MALRD1: variants seen among roughly 807,000 people sequenced by gnomAD.
MALRD1 encodes the protein MAM and LDL receptor class A domain containing 1, also known as MAM and LDL-receptor class A domain-containing protein 1.
MALRD1 carries 247 observed loss-of-function variants against 242.1 expected under a neutral mutation model. The observed-to-expected ratio is 1.02, with a 90% CI of 0.92 to 1.13. The LOEUF is 1.13. Among genes scored for constraint, MALRD1 ranks in the 50% most tolerant of loss-of-function variants. The pLI is 0.00. For missense variants in MALRD1, 2,989 were observed against 2,533.1 expected (o/e 1.18, Z -3.86); for synonymous variants, 995 against 866.6 (o/e 1.15, Z -2.60).
At position 19,654,988 on chromosome 10, in the gene MALRD1, A is replaced by G. The variant is rs373828228; in HGVS notation, c.6138-37294A>G. 2.2e-4 allele frequency among the ~76,000 whole-genome samples: 34 copies of G among 152,308 alleles called. 1 individual carries two copies. The highest frequency in any genetic ancestry group is 7.5e-4 in the African/African-American group (31 of 41,578). On this transcript the variant is annotated intron_variant, in intron 36 of 39. Transcript: ENST00000454679. ...TATTTCCTATTAATAATAAGTTTAAATAAATCAGAATTATATGAAACTAAA... is the reference window on the plus strand; with the variant it reads ...TATTTCCTATTAATAATAAGTTTAAGTAAATCAGAATTATATGAAACTAAA...
At chr10:19,166,519 CAGT>C (rs1168996753) in intron 13 of MALRD1, among the ~76,000 whole-genome samples, 1 of 152,058 alleles carries the variant, frequency 6.6e-6, no homozygotes, top group Non-Finnish European at 1.5e-5. Flanking sequence ...TTTGATAGCA[CAGT>C]AGGGCAATTA....
At chr10:19,567,890 T>G (rs1201968761) in intron 33 of MALRD1, among the ~76,000 whole-genome samples, 187 bp downstream of exon 33, 12 of 152,300 alleles carry the variant, frequency 7.9e-5, no homozygotes, top group Admixed American at 1.3e-4. Context: ...AATTTTCATG[T>G]CTTGTAGGCA....
chr10:19,163,220 G>A (rs969246463), intron 12 of MALRD1, among the ~76,000 whole-genome samples: 6 of 145,878 alleles, frequency 4.1e-5, no homozygotes, highest in South Asian at 2.2e-4. Context: ...TCATTGCAGC[G>A]CTATTTACAA....
chr10:19,054,319 T>C (rs970890316), intron 1 of MALRD1, among the ~76,000 whole-genome samples: 3 of 152,160 alleles, frequency 2.0e-5, no homozygotes, highest in Non-Finnish European at 4.4e-5. Context: ...AAGTATATAA[T>C]GTGGAATGAT....
At chr10:19,523,202 G>C (rs1270037088) in intron 31 of MALRD1, among the ~76,000 whole-genome samples, 2 of 152,208 alleles carry the variant, frequency 1.3e-5, no homozygotes, top group African/African-American at 4.8e-5. Flanking sequence ...ATAAGTGGTA[G>C]AGTCAGGATG....
intron 21 of MALRD1, among the ~76,000 whole-genome samples, chr10:19,316,224 T>C (rs149720364): frequency 4.0e-5 from 6 of 151,884 alleles, no homozygotes; most frequent in African/African-American, 1.2e-4. Context: ...TCCAGAGCAA[T>C]GCCATACAGT....
chr10:19,492,588 T>A (rs1198739772), intron 30 of MALRD1, among the ~76,000 whole-genome samples: 1 of 152,204 alleles, frequency 6.6e-6, no homozygotes, highest in Non-Finnish European at 1.5e-5. Context: ...GGGCTTTACA[T>A]AACATGGTAG....
chr10:19,371,092 T>A (rs140507208), intron 26 of MALRD1, among the ~76,000 whole-genome samples: 16 of 123,728 alleles, frequency 1.3e-4, no homozygotes, highest in East Asian at 2.3e-4. Flanking sequence ...TCTACGAAAT[T>A]AAAAAAAAAA....
Position 19,364,880 on chromosome 10 carries a change from A to T in MALRD1, c.4441+12583A>T, listed in dbSNP as rs189617382. On this transcript the variant is annotated intron_variant, in intron 26 of 39. Transcript: ENST00000454679. ...GAAAATGTCCTTAATTCAATTGAGG[A>T]TTCTTTCCACATAAGCCATTTCTTT... Among the ~76,000 whole-genome samples the T allele has an allele frequency of 3.5e-3, 530 of 152,222 alleles. 4 individuals carry two copies. The highest frequency in any genetic ancestry group is 0.012 in the African/African-American group (511 of 41,566).
intron 36 of MALRD1, among the ~76,000 whole-genome samples, chr10:19,616,817 C>T (rs1344144329): frequency 1.3e-5 from 2 of 151,962 alleles, no homozygotes; most frequent in African/African-American, 4.8e-5. Context: ...CATATTTAGA[C>T]ACTGCTTTAG....
intron 34 of MALRD1, among the ~76,000 whole-genome samples, chr10:19,597,197 A>C (rs957982204): frequency 6.6e-5 from 10 of 152,194 alleles, no homozygotes; most frequent in African/African-American, 1.9e-4. Context: ...AGGTGAATAG[A>C]AAAGAGAAAG....
chr10:19,134,386 G>T (rs1275513822), intron 9 of MALRD1, among the ~76,000 whole-genome samples: 1 of 152,174 alleles, frequency 6.6e-6, no homozygotes, highest in Non-Finnish European at 1.5e-5. Context: ...AGGCTCAATA[G>T]GAATGCTGTC....
At chr10:19,676,710 A>T (rs565421582) in intron 36 of MALRD1, among the ~76,000 whole-genome samples, 1 of 152,278 alleles carries the variant, frequency 6.6e-6, no homozygotes, top group East Asian at 1.9e-4. Context: ...TGTGCAGGAT[A>T]TGCAGGTTTG....
intron 21 of MALRD1, chr10:19,291,629 C>A (rs1841432692): frequency 6.6e-6 from 1 of 152,008 alleles, no homozygotes; most frequent in East Asian, 1.9e-4. Context: ...CTGTTAGGGG[C>A]TTTCAAGGCA....
chr10:19,649,639 A>G (rs1315717858), intron 36 of MALRD1, among the ~76,000 whole-genome samples: 1 of 152,146 alleles, frequency 6.6e-6, no homozygotes, highest in East Asian at 1.9e-4. Context: ...AACCTTTGTC[A>G]GATGCATAGT....
intron 26 of MALRD1, among the ~76,000 whole-genome samples, chr10:19,363,955 G>A (rs1439974198): frequency 1.3e-5 from 2 of 152,014 alleles, no homozygotes. Context: ...CAGTAAAAAA[G>A]AGACAGAGTA....
chr10:19,166,485 A>G (rs568282964), intron 13 of MALRD1, among the ~76,000 whole-genome samples: 53 of 152,142 alleles, frequency 3.5e-4, no homozygotes, highest in Non-Finnish European at 7.2e-4. Flanking sequence ...GTAGTTAGTT[A>G]GATAGAAGAA....
At position 19,209,319 on chromosome 10, in the gene MALRD1, A is replaced by G; in HGVS notation, c.2630A>G (p.Asp877Gly). 1.9e-6 allele frequency: 3 copies of G among 1,549,532 alleles called. No homozygotes were observed. Among genetic ancestry groups the G allele is most frequent in the Non-Finnish European group, 2.6e-6 (3 of 1,146,600 alleles). ...FETGICNWEQ[D>G]AKDDFDWTRS... The stretch of plus-strand genomic sequence containing the variant: ...ACTGGAATCTGTAACTGGGAACAAG[A>G]TGCAAAAGATGACTTTGATTGGACC... Residue 877 changes from aspartate to glycine, a missense_variant, in exon 18 of 40, where the codon GAT (aspartate) becomes GGT (glycine). Coordinates refer to ENST00000454679, the MANE Select transcript of MALRD1 (RefSeq NM_001142308.3).
At chr10:19,482,499 T>A (rs2131182353) in intron 29 of MALRD1, among the ~76,000 whole-genome samples, 2 of 152,132 alleles carry the variant, frequency 1.3e-5, no homozygotes, top group South Asian at 4.2e-4. Flanking sequence ...TCTTCGCTTA[T>A]GATAGGATTC....
Sources: gnomAD v4.1 joint callset for allele counts (sites outside exome capture counted in the v4.1 genomes callset) on GRCh38, gnomAD v4.1.1 for gene constraint, MANE v1.5 for transcripts, NCBI Gene and HGNC (gene_info 2026-07-23, HGNC 2026-07-21) for gene names.